FSD1L: variants seen among roughly 807,000 people sequenced by gnomAD.
The protein encoded by FSD1L is FSD1-like protein.
In FSD1L, 45 loss-of-function variants were observed where a neutral mutation model predicts 71.6. That is an observed-to-expected ratio of 0.63 (90% CI 0.49 to 0.81). The LOEUF (loss-of-function observed/expected upper bound fraction) is 0.81. Ranked by LOEUF, FSD1L falls within the 30% of genes least tolerant of loss-of-function variation. FSD1L has a pLI of 0.00. For missense variants in FSD1L, 561 were observed against 618.1 expected (o/e 0.91, Z 0.98); for synonymous variants, 197 against 207.2 (o/e 0.95, Z 0.42).
chr9:105,475,836 A>G (rs1322099968), intron 5 of FSD1L, among the ~76,000 whole-genome samples: 1 of 152,214 alleles, frequency 6.6e-6, no homozygotes, highest in Non-Finnish European at 1.5e-5. Flanking sequence ...TTTGAAAAAT[A>G]GTTCCTTTTA....
intron 13 of FSD1L, among the ~76,000 whole-genome samples, chr9:105,546,062 T>TA: frequency 6.6e-6 from 1 of 152,204 alleles, no homozygotes; most frequent in Middle Eastern, 3.4e-3. Context: ...TGATAGGTAA[T>TA]ACCTTTTGCC....
chr9:105,506,375 C>G, intron 7 of FSD1L, 24 bp from the exon 8 acceptor site: 1 of 1,137,654 alleles, frequency 8.8e-7, no homozygotes, highest in Non-Finnish European at 1.2e-6. Context: ...ATGAATGAGT[C>G]TTTTTTTTTT....
chr9:105,449,927 G>T (rs1829887740), intron 1 of FSD1L, among the ~76,000 whole-genome samples: 1 of 152,124 alleles, frequency 6.6e-6, no homozygotes, highest in Non-Finnish European at 1.5e-5. Context: ...CTCTTTCTTA[G>T]TAGTAGTAGT....
intron 10 of FSD1L, chr9:105,523,264 C>T: frequency 6.2e-7 from 1 of 1,605,544 alleles, no homozygotes. Flanking sequence ...CAGACTCCTT[C>T]CCCTTCTACA....
chr9:105,520,033 C>T (rs1194513872), intron 10 of FSD1L: 7 of 1,485,620 alleles, frequency 4.7e-6, no homozygotes, highest in East Asian at 4.9e-5. Flanking sequence ...TAATGAGCCT[C>T]TCTGGCTAGT....
chr9:105,443,343 G>C (rs189431474), upstream of FSD1L, among the ~76,000 whole-genome samples: 2 of 121,318 alleles, frequency 1.6e-5, no homozygotes, highest in African/African-American at 9.2e-5. Context: ...CATCTGCAGG[G>C]AAACTCATTT....
intron 7 of FSD1L, chr9:105,500,613 C>T (rs964212015): frequency 6.6e-6 from 1 of 152,180 alleles, no homozygotes. Context: ...CCTCCCCCTG[C>T]TGTGGAAGCA....
At position 105,494,848 on chromosome 9, in the gene FSD1L, C is replaced by G. The variant is rs114021890; in HGVS notation, c.586+10346C>G. 8.3e-3 allele frequency among the ~76,000 whole-genome samples: 1,267 copies of G among 152,256 alleles called. 20 individuals are homozygous for G. Among genetic ancestry groups the G allele is most frequent in the African/African-American group, 0.029 (1,210 of 41,536 alleles). ...TGAACCGCAAATGCTGCTGTCTTAT[C>G]GTTCCCCTGGAAGTTTTGTCTCAGA... On this transcript the variant is annotated intron_variant, in intron 7 of 13. Coordinates refer to ENST00000481272, the MANE Select transcript of FSD1L (RefSeq NM_001145313.3).
chr9:105,477,515 C>A (rs1831884403), intron 5 of FSD1L, among the ~76,000 whole-genome samples: 1 of 152,144 alleles, frequency 6.6e-6, no homozygotes, highest in Non-Finnish European at 1.5e-5. Flanking sequence ...TGAGAAAAAG[C>A]AGAAAGTCTA....
rs578106216 is a variant in FSD1L, at chr9:105,490,792, GT to G, written c.586+6293del. ...TTTCCCCATTTCTTGTTTTTCTCAG[GT>G]TTGTCAAAGATCAGATAGTTGTAGA... On this transcript the variant is annotated intron_variant, in intron 7 of 13. Coordinates refer to ENST00000481272, the MANE Select transcript of FSD1L (RefSeq NM_001145313.3). Among the ~76,000 whole-genome samples, 182 of 113,478 alleles carry G rather than the reference GT, an allele frequency of 1.6e-3. 1 individual carries two copies. Among genetic ancestry groups the G allele is most frequent in the African/African-American group, 6.0e-3 (172 of 28,846 alleles). The allele number at this position is 113,478 out of a possible 152,430, so 74.4% of individuals were successfully genotyped here.
In FSD1L at chr9:105,547,993, A is replaced by G. The variant is rs577604127; in HGVS notation, c.*1510A>G. On this transcript the variant is annotated 3_prime_UTR_variant, in exon 14 of 14. Coordinates refer to ENST00000481272, the MANE Select transcript of FSD1L (RefSeq NM_001145313.3). The stretch of plus-strand genomic sequence containing the variant: ...GTATTAATAGTAGCTCATTCTCTCT[A>G]AAAATTTACTGCCCACTGATAGGAT... 15 of 152,220 alleles carry G rather than the reference A, an allele frequency of 9.9e-5. No individual in the cohort carries two copies. The highest frequency in any genetic ancestry group is 3.6e-4 in the African/African-American group (15 of 41,574). The allele number at this position is 152,220 out of a possible 1,614,324, so 9.4% of individuals were successfully genotyped here. A position where few individuals can be genotyped will look rare whatever the true frequency, so the allele number is the denominator to read the frequency against.
intron 1 of FSD1L, among the ~76,000 whole-genome samples, chr9:105,451,575 T>G (rs954242303): frequency 6.6e-6 from 1 of 152,230 alleles, no homozygotes; most frequent in Non-Finnish European, 1.5e-5. Context: ...GTAGGCATAC[T>G]GTTGGATACA....
intron 1 of FSD1L, among the ~76,000 whole-genome samples, chr9:105,460,219 T>C (rs1176232106): frequency 1.3e-5 from 2 of 152,186 alleles, no homozygotes; most frequent in Non-Finnish European, 2.9e-5. Flanking sequence ...TAATACATCT[T>C]AGGCCAATAC....
At chr9:105,498,560 A>G (rs1833568925) in intron 7 of FSD1L, among the ~76,000 whole-genome samples, 1 of 152,260 alleles carries the variant, frequency 6.6e-6, no homozygotes, top group South Asian at 2.1e-4. Context: ...ATGGTATTGT[A>G]ATTTTATGGG....
At chr9:105,452,844 C>G (rs1312537907) in intron 1 of FSD1L, among the ~76,000 whole-genome samples, 1 of 152,024 alleles carries the variant, frequency 6.6e-6, no homozygotes, top group African/African-American at 2.4e-5. Flanking sequence ...AAGCTATCCT[C>G]CCAGCTCAGC....
chr9:105,497,551 G>A (rs1419155926), intron 7 of FSD1L, among the ~76,000 whole-genome samples: 1 of 152,122 alleles, frequency 6.6e-6, no homozygotes, highest in Admixed American at 6.5e-5. Flanking sequence ...ATAGATAGAG[G>A]CCTATTCAGA....
At chr9:105,530,082 T>G (rs1835796326) in intron 10 of FSD1L, among the ~76,000 whole-genome samples, 1 of 152,232 alleles carries the variant, frequency 6.6e-6, no homozygotes, top group Non-Finnish European at 1.5e-5. Context: ...AGAACCAGAA[T>G]GTCATGCTAA....
chr9:105,444,260 A>G (rs967418712), upstream of FSD1L, among the ~76,000 whole-genome samples: 1 of 152,232 alleles, frequency 6.6e-6, no homozygotes, highest in African/African-American at 2.4e-5. Flanking sequence ...TTTGACCTAC[A>G]TAATCCCCTT....
Position 105,551,562 on chromosome 9 carries a change from T to C in FSD1L, c.*5079T>C, listed in dbSNP as rs949361931. The C allele has an allele frequency of 2.6e-5, 4 of 152,208 alleles. No individual in the cohort carries two copies. Among genetic ancestry groups the C allele is most frequent in the African/African-American group, 9.6e-5 (4 of 41,460 alleles). 9.4% of individuals were successfully genotyped at this position (152,208 alleles called of 1,614,324 possible). On this transcript the variant is annotated 3_prime_UTR_variant, in exon 14 of 14. Coordinates refer to ENST00000481272, the MANE Select transcript of FSD1L (RefSeq NM_001145313.3). ...ATAATGGATTTAAGTGTTTGGATAA[T>C]TGTAGATGCATTTACTTTGATAAAG...
Sources: gnomAD v4.1 joint callset for allele counts (sites outside exome capture counted in the v4.1 genomes callset) on GRCh38, gnomAD v4.1.1 for gene constraint, MANE v1.5 for transcripts, NCBI Gene and HGNC (gene_info 2026-07-23, HGNC 2026-07-21) for gene names.